Variants in ZRANB1 observed in about 807,000 individuals in gnomAD.
The protein encoded by ZRANB1 is ubiquitin thioesterase ZRANB1.
ZRANB1 carries 16 observed loss-of-function variants against 80.5 expected under a neutral mutation model. The ratio of observed to expected loss-of-function variants is 0.20; its 90% confidence interval spans 0.13 to 0.30. ZRANB1 has a LOEUF of 0.30. Among genes scored for constraint, ZRANB1 ranks in the 10% least tolerant of loss-of-function variants. ZRANB1 has a pLI of 1.00. For missense variants in ZRANB1, 576 were observed against 862.6 expected (o/e 0.67, Z 4.16); for synonymous variants, 291 against 293.1 (o/e 0.99, Z 0.07).
chr10:124,922,296 G>GTAAAATATATATATATATA, the ZRANB1 span, among the ~76,000 whole-genome samples: 1 of 28,654 alleles, frequency 3.5e-5, no homozygotes, highest in African/African-American at 5.1e-5. Context: ...ATATATATAT[G>GTAAAATATATATATATATA]TAAAATATAT....
chr10:124,922,151 C>G, the ZRANB1 span, among the ~76,000 whole-genome samples: 1 of 150,884 alleles, frequency 6.6e-6, no homozygotes, highest in African/African-American at 2.4e-5. Context: ...CTATATTGCC[C>G]CCAGGCTGGT....
the ZRANB1 span, among the ~76,000 whole-genome samples, chr10:124,919,919 C>G: frequency 6.9e-3 from 839 of 120,802 alleles, 31 homozygotes; most frequent in African/African-American, 0.027. Context: ...CCCCCCCCCC[C>G]CCTTTTTTTT....
chr10:124,937,188 T>A (rs1951495414), upstream of ZRANB1, among the ~76,000 whole-genome samples: 1 of 148,670 alleles, frequency 6.7e-6, no homozygotes, highest in Non-Finnish European at 1.5e-5. Flanking sequence ...TGTGTATTTT[T>A]TTTTTTTTTT....
intron 4 of ZRANB1, among the ~76,000 whole-genome samples, chr10:124,973,997 T>G (rs1334951569): frequency 6.6e-6 from 1 of 152,220 alleles, no homozygotes; most frequent in Non-Finnish European, 1.5e-5. Flanking sequence ...GTAAAGAATT[T>G]AAAAGTTTAT....
chr10:124,972,067 G>A lies in ZRANB1; in HGVS notation c.1105G>A (p.Asp369Asn), dbSNP rs1951830913. ...IAASLHQRKGDFACYFLTDLV... is the reference protein window; with the variant it reads ...IAASLHQRKGNFACYFLTDLV... ...TGCCTCTCTTCATCAGAGAAAGGGGGATTTTGCTTGCTATTTTCTGACTGA... is the reference window on the plus strand; with the variant it reads ...TGCCTCTCTTCATCAGAGAAAGGGGAATTTTGCTTGCTATTTTCTGACTGA... Residue 369 changes from aspartate (D) to asparagine (N), a missense_variant, in exon 3 of 9, where the codon GAT becomes AAT. Physicochemically the swap from Asp to Asn is conservative, Grantham distance 23. This residue lies in a region of ZRANB1 where 411 missense variants were observed against 583.1 expected (regional missense o/e 0.70). Transcript: ENST00000359653. 3.1e-6 allele frequency: 5 copies of A among 1,613,784 alleles called. No homozygotes were observed. The highest frequency in any genetic ancestry group is 1.3e-5 in the African/African-American group (1 of 74,908).
chr10:124,949,493 GTA>G, intron 1 of ZRANB1, among the ~76,000 whole-genome samples: 1 of 119,256 alleles, frequency 8.4e-6, no homozygotes, highest in Admixed American at 8.2e-5. Flanking sequence ...ATATATTCAC[GTA>G]TACACACACA....
At chr10:124,968,282 A>G (rs1951792838) in intron 2 of ZRANB1, among the ~76,000 whole-genome samples, 2 of 152,236 alleles carry the variant, frequency 1.3e-5, no homozygotes, top group Admixed American at 1.3e-4. Flanking sequence ...GTCAGTATAC[A>G]TCTTTCATAT....
chr10:124,949,412 C>T (rs1951612869), intron 1 of ZRANB1, among the ~76,000 whole-genome samples: 1 of 134,538 alleles, frequency 7.4e-6, no homozygotes, highest in South Asian at 2.2e-4. Flanking sequence ...ACTATGTATA[C>T]ACATATATAT....
intron 4 of ZRANB1, 60 bp from the exon 5 acceptor site, chr10:124,974,140 A>G (rs1220754990): frequency 5.2e-6 from 8 of 1,552,416 alleles, no homozygotes; most frequent in East Asian, 4.5e-5. Flanking sequence ...TCTTCTCCCC[A>G]TGAGTATTCT....
At chr10:124,940,839 T>C (rs1951529163), upstream of ZRANB1, among the ~76,000 whole-genome samples, 1 of 152,058 alleles carries the variant, frequency 6.6e-6, no homozygotes. Flanking sequence ...TAGCCGGGCA[T>C]GGTGGCATGC....
the ZRANB1 span, among the ~76,000 whole-genome samples, chr10:124,936,865 G>T: frequency 6.6e-6 from 1 of 152,072 alleles, no homozygotes; most frequent in Non-Finnish European, 1.5e-5. Flanking sequence ...GTAAATCTCC[G>T]CAGATTTATA....
In ZRANB1 at chr10:124,986,287, G is replaced by GCACACACACACACACA. The variant is rs1246614734; in HGVS notation, c.*1296_*1297insACACACACACACACAC. ...GGAAAGACGACACACGCACGCGCGC[G>GCACACACACACACACA]CGCGCACACACACACACACACACAC... On this transcript the variant is annotated 3_prime_UTR_variant, in exon 9 of 9. Coordinates refer to ENST00000359653, the MANE Select transcript of ZRANB1 (RefSeq NM_017580.3). 1 of 73,022 alleles carries GCACACACACACACACA rather than the reference G, an allele frequency of 1.4e-5. No homozygotes were observed. Among genetic ancestry groups the GCACACACACACACACA allele is most frequent in the African/African-American group, 4.2e-5 (1 of 23,688 alleles). The allele number at this position is 73,022 out of a possible 1,614,324, so 4.5% of individuals were successfully genotyped here. A position where few individuals can be genotyped will look rare whatever the true frequency, so the allele number is the denominator to read the frequency against.
chr10:124,937,184 T>G (rs1951495127), upstream of ZRANB1, among the ~76,000 whole-genome samples: 2 of 8,416 alleles, frequency 2.4e-4, no homozygotes, highest in Non-Finnish European at 1.6e-3. Flanking sequence ...TTTGTGTGTA[T>G]TTTTTTTTTT....
Position 124,943,162 on chromosome 10 carries a change from C to T in ZRANB1, c.669C>T (p.Asp223=), listed in dbSNP as rs778418978. The T allele has an allele frequency of 6.2e-7, 1 of 1,614,204 alleles. No homozygotes were observed. The highest frequency in any genetic ancestry group is 8.5e-7 in the Non-Finnish European group (1 of 1,180,038). The change falls in exon 1 of 9, where the codon GAC becomes GAT. Residue 223 remains aspartate (D), a synonymous_variant. Coordinates refer to ENST00000359653, the MANE Select transcript of ZRANB1 (RefSeq NM_017580.3). ...QRRSPPATKR[D]SEVKMDFQRI... is the part of the protein sequence containing the mutation. Reference sequence around the variant, plus strand: ...GATCACCTCCTGCTACGAAGCGGGACTCTGAAGTGAAAATGGATTTTCAGA... The same window carrying T: ...GATCACCTCCTGCTACGAAGCGGGATTCTGAAGTGAAAATGGATTTTCAGA...
At chr10:124,946,916 T>G (rs1272947196) in intron 1 of ZRANB1, among the ~76,000 whole-genome samples, 4 of 152,132 alleles carry the variant, frequency 2.6e-5, no homozygotes, top group African/African-American at 9.7e-5. Flanking sequence ...ATGTTAAGTG[T>G]TTTTTAAAAA....
Position 124,943,247 on chromosome 10 carries a change from C to G in ZRANB1, c.754C>G (p.Leu252Val). The stretch of plus-strand genomic sequence containing the variant: ...GGAACTTGAAGTAGACTTTAAAAAA[C>G]TAAAGCAAATTAAAAACAGGATGAA... ...KEELEVDFKK[L>V]KQIKNRMKKT... Residue 252 changes from leucine (L) to valine (V), a missense_variant, in exon 1 of 9, where the codon CTA (leucine) becomes GTA (valine). By Grantham distance (32) the Leu-to-Val change is conservative. This residue lies in a region of ZRANB1 where 411 missense variants were observed against 583.1 expected (regional missense o/e 0.70). Transcript: ENST00000359653. 1 of 1,614,122 alleles carries G rather than the reference C, an allele frequency of 6.2e-7. No homozygotes were observed. Among genetic ancestry groups the G allele is most frequent in the Non-Finnish European group, 8.5e-7 (1 of 1,180,030 alleles).
intron 1 of ZRANB1, among the ~76,000 whole-genome samples, chr10:124,963,550 G>GTTTTTTTTTTTTT (rs1564962032): frequency 2.1e-4 from 16 of 75,156 alleles, no homozygotes; most frequent in Admixed American, 2.8e-4. Context: ...TTTTTTTTTT[G>GTTTTTTTTTTTTT]TTTGTTTTTT....
chr10:124,931,797 A>G, the ZRANB1 span, among the ~76,000 whole-genome samples: 9 of 152,306 alleles, frequency 5.9e-5, no homozygotes, highest in East Asian at 5.8e-4. Flanking sequence ...ACAGAGTGGT[A>G]TATTTGTTAA....
upstream of ZRANB1, among the ~76,000 whole-genome samples, chr10:124,940,861 C>T (rs914807937): frequency 1.3e-5 from 2 of 151,968 alleles, no homozygotes; most frequent in Admixed American, 6.6e-5. Context: ...CCTGTAATCT[C>T]GGCTACTTGG....
Sources: allele counts gnomAD v4.1 joint callset (sites outside exome capture counted in the v4.1 genomes callset), GRCh38; gene constraint gnomAD v4.1.1; regional missense constraint gnomAD v4.1.1; transcripts MANE v1.5; gene names NCBI Gene and HGNC (gene_info 2026-07-23, HGNC 2026-07-21).